The following EGR4 variants were observed in gnomAD, a reference collection of about 807,000 sequenced individuals.
The protein encoded by EGR4 is early growth response protein 4.
In EGR4, 22 loss-of-function variants were observed where a neutral mutation model predicts 25.4. The observed-to-expected ratio is 0.87, with a 90% CI of 0.62 to 1.24. EGR4 has a LOEUF of 1.24. EGR4 is among the 50% of genes most tolerant of loss of function. The probability of loss-of-function intolerance (pLI) is 0.00; values close to 1 mark genes in which losing one functional copy is unlikely to be tolerated. For synonymous variants in EGR4, 375 were observed against 320.1 expected (o/e 1.17, Z -1.83); for missense variants, 742 against 702.9 (o/e 1.06, Z -0.63).
chr2:73,292,123 G>C lies in EGR4; in HGVS notation c.795C>G (p.Ala265=), dbSNP rs769855567. ...CCGGGGCCAGCGGGAAAGCGTCATA[G>C]GCCCCGCTGGGATAGAGTCTGTTGG... ...VPANRLYPSG[A]YDAFPLAPGD... is the part of the protein sequence containing the mutation. Residue 265 remains alanine (A), a synonymous_variant, in exon 2 of 2, where the codon GCC becomes GCG. Coordinates refer to ENST00000436467, the MANE Select transcript of EGR4 (RefSeq NM_001965.4). The C allele has an allele frequency of 1.3e-6, 2 of 1,599,138 alleles. No homozygotes were observed. The highest frequency in any genetic ancestry group is 1.3e-5 in the African/African-American group (1 of 74,620).
rs1004184200 is a variant in EGR4 at position 73,291,169 on chromosome 2, C to G, written c.*288G>C. The G allele has an allele frequency of 4.4e-6, 2 of 455,494 alleles. No individual in the cohort carries two copies. The highest frequency in any genetic ancestry group is 8.0e-5 in the Admixed American group (2 of 24,852). The allele number at this position is 455,494 out of a possible 1,614,324, so 28.2% of individuals were successfully genotyped here. On this transcript the variant is annotated 3_prime_UTR_variant, in exon 2 of 2. Transcript: ENST00000436467. ...GAAGGCGTGGGGCGTGTGCCAGTTA[C>G]AAAAGACTGTCTTGAATCCCAGGGT...
rs1160764488 is a variant in EGR4 at position 73,293,493 on chromosome 2, C to T, written c.-176G>A. 5 of 1,505,174 alleles carry T rather than the reference C, an allele frequency of 3.3e-6. No individual in the cohort carries two copies. The highest frequency in any genetic ancestry group is 3.5e-6 in the Non-Finnish European group (4 of 1,130,756). The allele number at this position is 1,505,174 out of a possible 1,614,324, so 93.2% of individuals were successfully genotyped here. On this transcript the variant is annotated 5_prime_UTR_variant, in exon 1 of 2. Coordinates refer to ENST00000436467, the MANE Select transcript of EGR4 (RefSeq NM_001965.4). The stretch of plus-strand genomic sequence containing the variant: ...GTCGGGGAGCCGCGGCGCCCTCGCT[C>T]GCCCGCACCGGCCTCGGGCGGCGGC...
At chr2:73,292,887 T>G in intron 1 of EGR4, 106 bp from the exon 2 acceptor site, 1 of 1,256,862 alleles carries the variant, frequency 8.0e-7, no homozygotes, top group Non-Finnish European at 1.0e-6. Flanking sequence ...ACAAAGTGCC[T>G]TTTGCACATT....
At position 73,291,608 on chromosome 2, in the gene EGR4, G is replaced by C. The variant is rs1158144875; in HGVS notation, c.1310C>G (p.Pro437Arg). Residue 437 changes from proline to arginine, a missense_variant, in exon 2 of 2, where the codon CCT (proline) becomes CGT (arginine). Transcript: ENST00000436467. ...THVRTHTGEK[P>R]FACDVCGRRF... ...GCGGCCGCACACGTCGCAAGCAAAA[G>C]GCTTCTCGCCGGTGTGGGTGCGCAC... The C allele has an allele frequency of 6.2e-7, 1 of 1,613,192 alleles. No homozygotes were observed. Among genetic ancestry groups the C allele is most frequent in the Non-Finnish European group, 8.5e-7 (1 of 1,179,930 alleles).
rs1322405379 is a variant in EGR4, at chr2:73,292,176, A to G, written c.742T>C (p.Cys248Arg). ...TKIEDLLSIS[C>R]PAELPAVPAN... ...GGGACGGCCGGCAGTTCCGCAGGGC[A>G]GCTGATGGACAGCAAGTCCTCAATC... Residue 248 changes from cysteine to arginine, a missense_variant, in exon 2 of 2, where the codon TGC becomes CGC. By Grantham distance (180) the Cys-to-Arg change is radical. Transcript: ENST00000436467. 1 of 1,588,008 alleles carries G rather than the reference A, an allele frequency of 6.3e-7. No individual in the cohort carries two copies. The highest frequency in any genetic ancestry group is 8.6e-7 in the Non-Finnish European group (1 of 1,167,102).
chr2:73,291,156 C>T lies in EGR4; in HGVS notation c.*301G>A, dbSNP rs1689086236. 2.3e-6 allele frequency: 1 copy of T among 427,824 alleles called. No homozygotes were observed. Among genetic ancestry groups the T allele is most frequent in the Non-Finnish European group, 4.2e-6 (1 of 240,540 alleles). 26.5% of individuals were successfully genotyped at this position (427,824 alleles called of 1,614,324 possible). On this transcript the variant is annotated 3_prime_UTR_variant, in exon 2 of 2. Transcript: ENST00000436467. ...GGGGGTTATAGAGGAAGGCGTGGGG[C>T]GTGTGCCAGTTACAAAAGACTGTCT...
chr2:73,292,441 C>A lies in EGR4; in HGVS notation c.477G>T (p.Trp159Cys). 2 of 1,497,906 alleles carry A rather than the reference C, an allele frequency of 1.3e-6. No homozygotes were observed. Among genetic ancestry groups the A allele is most frequent in the Non-Finnish European group, 1.8e-6 (2 of 1,125,206 alleles). The allele number at this position is 1,497,906 out of a possible 1,614,324, so 92.8% of individuals were successfully genotyped here. The change falls in exon 2 of 2, where the codon TGG becomes TGT. Residue 159 changes from tryptophan to cysteine, a missense_variant. Coordinates refer to ENST00000436467, the MANE Select transcript of EGR4 (RefSeq NM_001965.4). ...LGAAPFPEAF[W>C]EASPCAGAPS... is the part of the protein sequence containing the mutation. ...GGGCACCCGCGCAAGGCGAGGCCTC[C>A]CAGAACGCCTCTGGGAAAGGGGCAG...
chr2:73,291,430 G>T lies in EGR4; in HGVS notation c.*27C>A. On this transcript the variant is annotated 3_prime_UTR_variant, in exon 2 of 2. Coordinates refer to ENST00000436467, the MANE Select transcript of EGR4 (RefSeq NM_001965.4). ...GAACTCGTGCGCGCCGAACGGCGGC[G>T]CCCCAACCCATAAACCCATCTCTTG... 1 of 1,542,256 alleles carries T rather than the reference G, an allele frequency of 6.5e-7. No homozygotes were observed.
At position 73,292,089 on chromosome 2, in the gene EGR4, C is replaced by T. The variant is rs747425932; in HGVS notation, c.829G>A (p.Gly277Arg). 6.2e-6 allele frequency: 10 copies of T among 1,609,972 alleles called. No individual in the cohort carries two copies. Among genetic ancestry groups the T allele is most frequent in the Middle Eastern group, 1.6e-4 (1 of 6,078 alleles). Residue 277 changes from glycine (G) to arginine (R), a missense_variant, in exon 2 of 2, where the codon GGG becomes AGG. Coordinates refer to ENST00000436467, the MANE Select transcript of EGR4 (RefSeq NM_001965.4). ...DAFPLAPGDL[G>R]EGAEGLPGLL... is the part of the protein sequence containing the mutation. ...CCAGGGAGGCCCTCAGCCCCCTCCCCTAAGTCACCCGGGGCCAGCGGGAAA... is the reference window on the plus strand; with the variant it reads ...CCAGGGAGGCCCTCAGCCCCCTCCCTTAAGTCACCCGGGGCCAGCGGGAAA...
Position 73,291,951 on chromosome 2 carries a change from C to T in EGR4, c.967G>A (p.Asp323Asn). The T allele has an allele frequency of 6.3e-7, 1 of 1,589,974 alleles. No individual in the cohort carries two copies. Among genetic ancestry groups the T allele is most frequent in the Non-Finnish European group, 8.5e-7 (1 of 1,169,618 alleles). The change falls in exon 2 of 2, where the codon GAC (aspartate) becomes AAC (asparagine). Residue 323 changes from aspartate (D) to asparagine (N), a missense_variant. By Grantham distance (23) the Asp-to-Asn change is conservative. Transcript: ENST00000436467. ...TCCGCCACCAGAGGTTTAGGGAAGT[C>T]CGCCGCGGCGGCGCTGCGAAGGCCC... ...PLGLRSAAAA[D>N]FPKPLVADIP...
chr2:73,291,915 T>C lies in EGR4; in HGVS notation c.1003A>G (p.Ser335Gly). The C allele has an allele frequency of 6.3e-7, 1 of 1,577,426 alleles. No individual in the cohort carries two copies. Among genetic ancestry groups the C allele is most frequent in the Non-Finnish European group, 8.6e-7 (1 of 1,162,932 alleles). ...PKPLVADIPGSSGVAAPPVPP... is the reference protein window; with the variant it reads ...PKPLVADIPGGSGVAAPPVPP... Reference sequence around the variant, plus strand: ...ACGGGTGGTGCAGCCACGCCACTGCTTCCAGGGATGTCCGCCACCAGAGGT... The same window carrying C: ...ACGGGTGGTGCAGCCACGCCACTGCCTCCAGGGATGTCCGCCACCAGAGGT... The change falls in exon 2 of 2, where the codon AGC becomes GGC. Residue 335 changes from serine (S) to glycine (G), a missense_variant. By Grantham distance (56) the Ser-to-Gly change is moderately conservative (BLOSUM62 0). Coordinates refer to ENST00000436467, the MANE Select transcript of EGR4 (RefSeq NM_001965.4).
chr2:73,292,999 G>A (rs1689142346), intron 1 of EGR4, among the ~76,000 whole-genome samples, 183 bp downstream of exon 1: 1 of 152,280 alleles, frequency 6.6e-6, no homozygotes, highest in Admixed American at 6.5e-5. Context: ...AACCGCACAG[G>A]TTCCTGCGGA....
In EGR4 at chr2:73,292,758, A is replaced by T. The variant is rs1689138265; in HGVS notation, c.160T>A (p.Leu54Met). The T allele has an allele frequency of 6.9e-7, 1 of 1,459,576 alleles. No homozygotes were observed. Among genetic ancestry groups the T allele is most frequent in the Non-Finnish European group, 9.1e-7 (1 of 1,103,590 alleles). The allele number at this position is 1,459,576 out of a possible 1,614,324, so 90.4% of individuals were successfully genotyped here. Residue 54 changes from leucine to methionine, a missense_variant, in exon 2 of 2, where the codon TTG becomes ATG. By Grantham distance (15) the Leu-to-Met change is conservative. Transcript: ENST00000436467. ...PGAGDFLSWA[L>M]NSCGASGDLA... is the part of the protein sequence containing the mutation. ...TCCCCACTTGCGCCGCAGCTGTTCA[A>T]AGCCCAGCTCAAGAAGTCGCCTGCT...
In EGR4 at chr2:73,291,574, C is replaced by T. The variant is rs1689100774; in HGVS notation, c.1344G>A (p.Ala448=). The T allele has an allele frequency of 6.2e-7, 1 of 1,613,448 alleles. No homozygotes were observed. Among genetic ancestry groups the T allele is most frequent in the Non-Finnish European group, 8.5e-7 (1 of 1,179,916 alleles). Residue 448 remains alanine (A), a synonymous_variant, in exon 2 of 2, where the codon GCG becomes GCA. Coordinates refer to ENST00000436467, the MANE Select transcript of EGR4 (RefSeq NM_001965.4). ...TGTGCCGTTTCTTCTCATCGCTGCG[C>T]GCGAAGCGGCGGCCGCACACGTCGC... ...FACDVCGRRF[A]RSDEKKRHSK... is the part of the protein sequence containing the mutation.
intron 1 of EGR4, among the ~76,000 whole-genome samples, 182 bp from the exon 2 acceptor site, chr2:73,292,963 G>A (rs761007493): frequency 2.0e-5 from 3 of 152,244 alleles, no homozygotes; most frequent in Non-Finnish European, 2.9e-5. Flanking sequence ...CAAAACACAC[G>A]TGCACAGGCA....
Position 73,292,618 on chromosome 2 carries a change from T to C in EGR4, c.300A>G (p.Ala100=). 1 of 1,531,000 alleles carries C rather than the reference T, an allele frequency of 6.5e-7. No individual in the cohort carries two copies. Among genetic ancestry groups the C allele is most frequent in the Non-Finnish European group, 8.8e-7 (1 of 1,139,748 alleles). 94.8% of individuals were successfully genotyped at this position (1,531,000 alleles called of 1,614,324 possible). Residue 100 remains alanine (A), a synonymous_variant, in exon 2 of 2, where the codon GCA becomes GCG. Coordinates refer to ENST00000436467, the MANE Select transcript of EGR4 (RefSeq NM_001965.4). ...AGATGCCCGACATGAGGTTGAAGAG[T>C]GCCTCCGGGTCGTGCGGGTGTTCGG... The part of the protein sequence containing the change: ...AVPEHPHDPE[A]LFNLMSGILG...
Position 73,291,922 on chromosome 2 carries a change from G to A in EGR4, c.996C>T (p.Ile332=), listed in dbSNP as rs1408490035. 7.0e-6 allele frequency: 11 copies of A among 1,578,926 alleles called. No homozygotes were observed. The highest frequency in any genetic ancestry group is 8.6e-6 in the Non-Finnish European group (10 of 1,163,630). Residue 332 remains isoleucine, a synonymous_variant, in exon 2 of 2, where the codon ATC becomes ATT. Coordinates refer to ENST00000436467, the MANE Select transcript of EGR4 (RefSeq NM_001965.4). ...GTGCAGCCACGCCACTGCTTCCAGG[G>A]ATGTCCGCCACCAGAGGTTTAGGGA... ...ADFPKPLVAD[I]PGSSGVAAPP...
Position 73,292,632 on chromosome 2 carries a change from G to T in EGR4, c.286C>A (p.His96Asn). Residue 96 changes from histidine (H) to asparagine (N), a missense_variant, in exon 2 of 2, where the codon CAC becomes AAC. By Grantham distance (68) the His-to-Asn change is moderately conservative (BLOSUM62 1). Transcript: ENST00000436467. ...FFIQAVPEHP[H>N]DPEALFNLMS... The stretch of plus-strand genomic sequence containing the variant: ...AGGTTGAAGAGTGCCTCCGGGTCGT[G>T]CGGGTGTTCGGGCACTGCCTGAATG... 6.5e-7 allele frequency: 1 copy of T among 1,549,542 alleles called. No homozygotes were observed. Among genetic ancestry groups the T allele is most frequent in the South Asian group, 1.2e-5 (1 of 81,008 alleles).
At position 73,291,831 on chromosome 2, in the gene EGR4, C is replaced by T. The variant is rs765150152; in HGVS notation, c.1087G>A (p.Gly363Ser). 18 of 1,583,318 alleles carry T rather than the reference C, an allele frequency of 1.1e-5. No individual in the cohort carries two copies. Among genetic ancestry groups the T allele is most frequent in the Non-Finnish European group, 1.5e-5 (18 of 1,170,516 alleles). ...AAGCAGCGCGTGCTGCATTTGCCGC[C>T]GCGGCGCCCCTTGCGTCGCGCCTTG... ...QAKARRKGRR[G>S]GKCSTRCFCP... is the part of the protein sequence containing the mutation. The change falls in exon 2 of 2, where the codon GGC becomes AGC. Residue 363 changes from glycine (G) to serine (S), a missense_variant. Gly to Ser is a moderately conservative substitution (Grantham distance 56). Transcript: ENST00000436467.
Sources: gnomAD v4.1 joint callset for allele counts (sites outside exome capture counted in the v4.1 genomes callset) on GRCh38, gnomAD v4.1.1 for gene constraint, MANE v1.5 for transcripts, NCBI Gene and HGNC (gene_info 2026-07-23, HGNC 2026-07-21) for gene names.